Variants in SDC1 observed in about 807,000 individuals in gnomAD.
The protein encoded by SDC1 is syndecan-1.
Under a neutral mutation model 29.7 loss-of-function variants are expected in SDC1, and 14 were observed. The observed-to-expected ratio is 0.47, with a 90% CI of 0.31 to 0.74. SDC1 has a LOEUF of 0.74. Ranked by LOEUF, SDC1 falls within the 30% of genes least tolerant of loss-of-function variation. SDC1 has a pLI of 0.05. For synonymous variants in SDC1, 204 were observed against 175.5 expected (o/e 1.16, Z -1.29); for missense variants, 406 against 400.3 (o/e 1.01, Z -0.12).
intron 3 of SDC1, 38 bp from the exon 4 acceptor site, chr2:20,203,260 A>T (rs1176149538): frequency 2.5e-6 from 4 of 1,568,964 alleles, no homozygotes; most frequent in African/African-American, 1.4e-5. Context: ...TGGCCAGGTC[A>T]CCGCCAGCAG....
At position 20,201,748 on chromosome 2, in the gene SDC1, A is replaced by C. The variant is rs1432604886; in HGVS notation, c.*1018T>G. The stretch of plus-strand genomic sequence containing the variant: ...GGAAGCAGCCCCTGGAGACGGCGCC[A>C]CAGGCAGGACGGGCGTGGTCTGCAG... On this transcript the variant is annotated 3_prime_UTR_variant, in exon 5 of 5. Coordinates refer to ENST00000254351, the MANE Select transcript of SDC1 (RefSeq NM_002997.5). The C allele has an allele frequency of 6.5e-6, 1 of 152,850 alleles. No individual in the cohort carries two copies. Among genetic ancestry groups the C allele is most frequent in the African/African-American group, 2.4e-5 (1 of 41,446 alleles). 9.5% of individuals were successfully genotyped at this position (152,850 alleles called of 1,614,324 possible).
chr2:20,202,995 C>T, intron 4 of SDC1, 60 bp from the exon 5 acceptor site: 1 of 1,568,164 alleles, frequency 6.4e-7, no homozygotes, highest in East Asian at 2.3e-5. Flanking sequence ...GCTGCAGACC[C>T]TCCCCAAAGC....
At chr2:20,215,965 G>A (rs942876170) in intron 1 of SDC1, among the ~76,000 whole-genome samples, 1 of 152,234 alleles carries the variant, frequency 6.6e-6, no homozygotes, top group African/African-American at 2.4e-5. Flanking sequence ...TCAGGTGACT[G>A]CCTTACACAG....
intron 3 of SDC1, 32 bp from the exon 4 acceptor site, chr2:20,203,254 C>G (rs755957440): frequency 1.3e-6 from 2 of 1,576,406 alleles, no homozygotes; most frequent in South Asian, 2.3e-5. Context: ...TTGGGTTGGC[C>G]AGGTCACCGC....
intron 1 of SDC1, chr2:20,223,350 C>G: frequency 8.2e-7 from 1 of 1,225,158 alleles, no homozygotes; most frequent in Admixed American, 2.3e-5. Context: ...TACGGAGGGT[C>G]AGCGCTGCTG....
At position 20,204,069 on chromosome 2, in the gene SDC1, CG is replaced by C; in HGVS notation, c.370del (p.Arg124AspfsTer99). ...CGGGAGCTGTGTGGTCTCCCTGGGT[CG>C]GGGGGTGGCCTCCTGCTCCCGGGCG... ...LTAREQEATP[R>X]PRETTQLPTT... is the part of the protein sequence containing the mutation. On this transcript the variant is annotated frameshift_variant, in exon 3 of 5. Transcript: ENST00000254351. LOFTEE classifies it high-confidence loss of function. 3 of 1,610,456 alleles carry C rather than the reference CG, an allele frequency of 1.9e-6. No homozygotes were observed.
rs776850513 is a variant in SDC1 at position 20,202,726 on chromosome 2, C to T, written c.*40G>A. 1 of 1,548,332 alleles carries T rather than the reference C, an allele frequency of 6.5e-7. No homozygotes were observed. Among genetic ancestry groups the T allele is most frequent in the East Asian group, 2.3e-5 (1 of 44,116 alleles). ...CTTCAAGGAAGAGGCAAGTGGGGGCCTAGTGAGTGGCAGGGCGGAGGGGGC... is the reference window on the plus strand; with the variant it reads ...CTTCAAGGAAGAGGCAAGTGGGGGCTTAGTGAGTGGCAGGGCGGAGGGGGC... On this transcript the variant is annotated 3_prime_UTR_variant, in exon 5 of 5. Transcript: ENST00000254351.
chr2:20,224,887 G>T lies in SDC1; in HGVS notation c.-20C>A. ...CCTCATGCTGCCCGGACCGGCGGCG[G>T]GAGAGCGGCAGGCTGCGCGGGTCGC... On this transcript the variant is annotated 5_prime_UTR_variant, in exon 1 of 5. Coordinates refer to ENST00000254351, the MANE Select transcript of SDC1 (RefSeq NM_002997.5). This position sits in a 1 kb window ranked among gnomAD's most constrained non-coding sequence, Gnocchi z 4.9. The T allele has an allele frequency of 2.5e-6, 3 of 1,216,712 alleles. No homozygotes were observed. The highest frequency in any genetic ancestry group is 8.0e-5 in the South Asian group (2 of 24,960). The allele number at this position is 1,216,712 out of a possible 1,614,324, so 75.4% of individuals were successfully genotyped here. A position where few individuals can be genotyped will look rare whatever the true frequency, so the allele number is the denominator to read the frequency against.
In SDC1 at chr2:20,207,016, C is replaced by G. The variant is rs1401907609; in HGVS notation, c.67-1592G>C. On this transcript the variant is annotated intron_variant, in intron 1 of 4. Coordinates refer to ENST00000254351, the MANE Select transcript of SDC1 (RefSeq NM_002997.5). ...CACTGACTTGTCAGAGGGGGCCCAC[C>G]TGAGGCTGGGCTCCAAAGGAAAAGG... 3.9e-5 allele frequency among the ~76,000 whole-genome samples: 6 copies of G among 152,380 alleles called. No individual in the cohort carries two copies. In the East Asian group the frequency reaches 1.2e-3, roughly 29 times the overall value.
At chr2:20,203,684 C>T (rs1170987983) in intron 3 of SDC1, 129 bp downstream of exon 3, 5 of 734,714 alleles carry the variant, frequency 6.8e-6, no homozygotes, top group Non-Finnish European at 1.1e-5. Flanking sequence ...TAGGGGAAGG[C>T]GGGCCCCTGT....
At chr2:20,218,566 C>T (rs891586600) in intron 1 of SDC1, among the ~76,000 whole-genome samples, 2 of 151,620 alleles carry the variant, frequency 1.3e-5, no homozygotes, top group African/African-American at 4.9e-5. Context: ...CAGAGACACA[C>T]ATATACACGG....
At chr2:20,218,799 AC>A (rs1572472667) in intron 1 of SDC1, among the ~76,000 whole-genome samples, 1 of 151,562 alleles carries the variant, frequency 6.6e-6, no homozygotes, top group East Asian at 2.0e-4. Context: ...ACAGATATAC[AC>A]ACAGACATAC....
intron 1 of SDC1, among the ~76,000 whole-genome samples, chr2:20,217,519 C>T (rs1558437384): frequency 6.6e-6 from 1 of 152,168 alleles, no homozygotes; most frequent in Admixed American, 6.5e-5. Context: ...GCCTCTCAGC[C>T]CCTTCCCCCT....
chr2:20,207,137 C>T lies in SDC1; in HGVS notation c.67-1713G>A, dbSNP rs374674887. 5.9e-5 allele frequency among the ~76,000 whole-genome samples: 9 copies of T among 152,242 alleles called. No individual in the cohort carries two copies. The South Asian group carries it at 1.9e-3, about 31-fold the overall frequency. ...AAGCAGAGAGGGACAGACAAGACCT[C>T]CTGCCTCCTGAGGCAGCCCTGGGGC... is the stretch of plus-strand genomic sequence containing the variant. On this transcript the variant is annotated intron_variant, in intron 1 of 4. Coordinates refer to ENST00000254351, the MANE Select transcript of SDC1 (RefSeq NM_002997.5).
At position 20,204,105 on chromosome 2, in the gene SDC1, G is replaced by C. The variant is rs1285914713; in HGVS notation, c.335C>G (p.Pro112Arg). The change falls in exon 3 of 5, where the codon CCT (proline) becomes CGT (arginine). Residue 112 changes from proline to arginine, a missense_variant. Physicochemically the swap from Pro to Arg is moderately radical, Grantham distance 103. Coordinates refer to ENST00000254351, the MANE Select transcript of SDC1 (RefSeq NM_002997.5). ...GEAVVLPEVEPGLTAREQEAT... is the reference protein window; with the variant it reads ...GEAVVLPEVERGLTAREQEAT... The stretch of plus-strand genomic sequence containing the variant: ...CTCCTGCTCCCGGGCGGTGAGGCCA[G>C]GCTCCACTTCTGGCAGGACTACAGC... The C allele has an allele frequency of 6.2e-7, 1 of 1,608,180 alleles. No homozygotes were observed. Among genetic ancestry groups the C allele is most frequent in the South Asian group, 1.1e-5 (1 of 91,054 alleles).
chr2:20,202,201 A>G lies in SDC1; in HGVS notation c.*565T>C. On this transcript the variant is annotated 3_prime_UTR_variant, in exon 5 of 5. Transcript: ENST00000254351. Reference sequence around the variant, plus strand: ...CGAATCAACTTACTTAACTTACCTCAGAAGTAACAAGGTCTACTGGGCTAT... The same window carrying G: ...CGAATCAACTTACTTAACTTACCTCGGAAGTAACAAGGTCTACTGGGCTAT... 2.7e-6 allele frequency: 2 copies of G among 738,664 alleles called. No homozygotes were observed. Among genetic ancestry groups the G allele is most frequent in the South Asian group, 3.0e-5 (2 of 67,512 alleles). The allele number at this position is 738,664 out of a possible 1,614,324, so 45.8% of individuals were successfully genotyped here. A position where few individuals can be genotyped will look rare whatever the true frequency, so the allele number is the denominator to read the frequency against.
intron 1 of SDC1, among the ~76,000 whole-genome samples, chr2:20,218,029 G>A (rs1023944179): frequency 6.6e-6 from 1 of 152,086 alleles, no homozygotes; most frequent in Admixed American, 6.5e-5. Context: ...ACTCTCCTTC[G>A]AGTCCCAAGA....
At chr2:20,204,378 C>T (rs993860115) in intron 2 of SDC1, 87 bp from the exon 3 acceptor site, 8 of 847,774 alleles carry the variant, frequency 9.4e-6, no homozygotes, top group Admixed American at 2.1e-5. Flanking sequence ...GGGGGAGGCT[C>T]CAGAGCACCT....
intron 1 of SDC1, among the ~76,000 whole-genome samples, chr2:20,207,752 C>A (rs966052295): frequency 6.6e-6 from 1 of 151,778 alleles, no homozygotes; most frequent in South Asian, 2.1e-4. Flanking sequence ...ATGCTCCCCC[C>A]GCCTCCACAC....
Sources: gnomAD v4.1 joint callset for allele counts (sites outside exome capture counted in the v4.1 genomes callset) on GRCh38, gnomAD v4.1.1 for gene constraint, Gnocchi (gnomAD v3.1) non-coding constraint, MANE v1.5 for transcripts, NCBI Gene and HGNC (gene_info 2026-07-23, HGNC 2026-07-21) for gene names.